Variants in NTM observed in about 807,000 individuals in gnomAD.
NTM encodes IgLON family member 2.
NTM carries 13 observed loss-of-function variants against 42.1 expected under a neutral mutation model. The observed-to-expected ratio is 0.31, with a 90% CI of 0.20 to 0.49. The LOEUF is 0.49. Among genes scored for constraint, NTM ranks in the 20% least tolerant of loss-of-function variants. NTM has a pLI of 0.99. For synonymous variants in NTM, 187 were observed against 179.2 expected, an observed-to-expected ratio of 1.04 and a Z score of -0.35; for missense variants, 373 against 452.8, an observed-to-expected ratio of 0.82 and a Z score of 1.60.
intron 1 of NTM, among the ~76,000 whole-genome samples, chr11:131,707,380 T>C (rs2076696137): frequency 6.6e-6 from 1 of 152,128 alleles, no homozygotes; most frequent in South Asian, 2.1e-4. Context: ...TCACATTTTC[T>C]TTATTCATTC....
chr11:131,887,382 A>G (rs1342092072), intron 1 of NTM, among the ~76,000 whole-genome samples: 3 of 152,192 alleles, frequency 2.0e-5, no homozygotes, highest in Admixed American at 2.0e-4. Flanking sequence ...TTCTAACACA[A>G]TGAAACCCAA....
intron 1 of NTM, among the ~76,000 whole-genome samples, chr11:131,800,183 G>A (rs1053116207): frequency 1.3e-5 from 2 of 152,204 alleles, no homozygotes; most frequent in Non-Finnish European, 2.9e-5. Flanking sequence ...CAAACATGAA[G>A]GGTCTATGAC....
intron 1 of NTM, among the ~76,000 whole-genome samples, chr11:131,752,786 C>T (rs1258877566): frequency 4.6e-5 from 5 of 109,508 alleles, no homozygotes; most frequent in African/African-American, 1.6e-4. Flanking sequence ...ACCACAAAAA[C>T]CCTAGAAGAA....
chr11:132,094,625 A>G (rs1230707099), intron 2 of NTM, among the ~76,000 whole-genome samples: 2 of 152,180 alleles, frequency 1.3e-5, no homozygotes, highest in African/African-American at 4.8e-5. Flanking sequence ...CATTGAGGAC[A>G]CTGGTCCCCA....
At chr11:132,239,777 C>T (rs2089831690) in intron 4 of NTM, among the ~76,000 whole-genome samples, 1 of 152,102 alleles carries the variant, frequency 6.6e-6, no homozygotes, top group Admixed American at 6.6e-5. Context: ...GTTTCATCCT[C>T]TATAAGAGTA....
At chr11:132,203,979 C>G (rs2081559211) in intron 3 of NTM, among the ~76,000 whole-genome samples, 1 of 152,172 alleles carries the variant, frequency 6.6e-6, no homozygotes, top group Admixed American at 6.6e-5. Context: ...TTCCTTGACT[C>G]CTCTGAGTAT....
chr11:132,214,337 A>G (rs1022659117), intron 4 of NTM, among the ~76,000 whole-genome samples: 1 of 152,036 alleles, frequency 6.6e-6, no homozygotes, highest in Non-Finnish European at 1.5e-5. Flanking sequence ...AACATTTATC[A>G]TCAGGGTAAG....
chr11:132,070,671 A>C (rs576757834), intron 2 of NTM, among the ~76,000 whole-genome samples: 6 of 140,660 alleles, frequency 4.3e-5, no homozygotes, highest in Admixed American at 1.4e-4. Flanking sequence ...AACACGTCAC[A>C]CAGCCAAGTT....
At chr11:131,645,371 G>C (rs2065645115) in intron 1 of NTM, among the ~76,000 whole-genome samples, 1 of 152,186 alleles carries the variant, frequency 6.6e-6, no homozygotes. Flanking sequence ...CAGTCCTCCT[G>C]AGTCAGACAC....
At chr11:131,634,368 G>A (rs1315767966) in intron 1 of NTM, among the ~76,000 whole-genome samples, 4 of 148,596 alleles carry the variant, frequency 2.7e-5, no homozygotes, top group East Asian at 4.1e-4. Context: ...TCTTGAAAGA[G>A]CTGCTCAGAG....
chr11:132,271,880 A>G (rs2093496273), intron 4 of NTM, among the ~76,000 whole-genome samples: 1 of 151,814 alleles, frequency 6.6e-6, no homozygotes, highest in African/African-American at 2.4e-5. Context: ...ACTAAACTTA[A>G]ATTTTTTTGA....
intron 2 of NTM, among the ~76,000 whole-genome samples, chr11:132,008,693 A>G (rs150079190): frequency 1.4e-4 from 22 of 151,994 alleles, no homozygotes; most frequent in African/African-American, 4.8e-4. Context: ...CAGAATCCAC[A>G]TTGCTCACAA....
At chr11:131,702,655 A>G (rs1343628155) in intron 1 of NTM, among the ~76,000 whole-genome samples, 4 of 152,250 alleles carry the variant, frequency 2.6e-5, no homozygotes, top group Non-Finnish European at 4.4e-5. Context: ...CTATTGAGAT[A>G]CCATGCTTTC....
At chr11:132,076,258 C>G (rs149271167) in intron 2 of NTM, among the ~76,000 whole-genome samples, 217 of 152,302 alleles carry the variant, frequency 1.4e-3, no homozygotes, top group South Asian at 5.8e-3. Context: ...GTGGACTACA[C>G]TATTACTGCT....
intron 1 of NTM, among the ~76,000 whole-genome samples, chr11:131,819,847 G>T (rs897080109): frequency 6.6e-6 from 1 of 152,290 alleles, no homozygotes; most frequent in African/African-American, 2.4e-5. Flanking sequence ...GAGAGCAGCA[G>T]CACCCTGTTA....
chr11:131,484,024 T>C (rs1430421763), intron 1 of NTM, among the ~76,000 whole-genome samples: 1 of 152,194 alleles, frequency 6.6e-6, no homozygotes, highest in Non-Finnish European at 1.5e-5. Context: ...GGCGCCCTAA[T>C]TTTCTTTGTC....
intron 2 of NTM, among the ~76,000 whole-genome samples, chr11:132,049,850 G>A (rs1490208595): frequency 6.6e-6 from 1 of 152,198 alleles, no homozygotes; most frequent in Non-Finnish European, 1.5e-5. Flanking sequence ...TGATTTGATG[G>A]AGGAGGAGCC....
Position 132,085,794 on chromosome 11 carries a change from G to A in NTM, c.168-60488G>A, listed in dbSNP as rs571911958. ...TCCTAATTGGATTATTGGTCTCTGG[G>A]TGGTGCCCTTTAAGAGCAGGGTTAG... On this transcript the variant is annotated intron_variant, in intron 2 of 8. Coordinates refer to ENST00000683400, the MANE Select transcript of NTM (RefSeq NM_001352005.2). Among the ~76,000 whole-genome samples the A allele has an allele frequency of 2.0e-5, 3 of 152,240 alleles. No individual in the cohort carries two copies. The South Asian group carries it at 6.2e-4, about 32-fold the overall frequency.
chr11:131,616,648 G>A lies in NTM; in HGVS notation c.82+245760G>A, dbSNP rs142062961. Among the ~76,000 whole-genome samples the A allele has an allele frequency of 1.4e-3, 213 of 152,258 alleles. 2 individuals carry two copies. The highest frequency in any genetic ancestry group is 4.5e-3 in the African/African-American group (189 of 41,544). Reference sequence around the variant, plus strand: ...CCCAAGATGATGAGATACGGAGACAGTTCTCTTCCCCACCCGGCTCCTCTG... The same window carrying A: ...CCCAAGATGATGAGATACGGAGACAATTCTCTTCCCCACCCGGCTCCTCTG... On this transcript the variant is annotated intron_variant, in intron 1 of 8. Transcript: ENST00000683400.
Sources: gnomAD v4.1 joint callset for allele counts (sites outside exome capture counted in the v4.1 genomes callset) on GRCh38, gnomAD v4.1.1 for gene constraint, MANE v1.5 for transcripts, NCBI Gene and HGNC (gene_info 2026-07-23, HGNC 2026-07-21) for gene names.